The following ADGRV1 variants were observed in gnomAD, a reference collection of about 807,000 sequenced individuals.
The protein encoded by ADGRV1 is adhesion G protein-coupled receptor V1.
A neutral mutation model predicts 596.2 loss-of-function variants in ADGRV1; 359 were observed. The observed-to-expected ratio is 0.60, with a 90% CI of 0.55 to 0.66. The LOEUF is 0.66. ADGRV1 is among the 30% of genes least tolerant of loss of function. ADGRV1 has a pLI of 0.00. For missense variants in ADGRV1, 7,274 were observed against 7,575.6 expected, an observed-to-expected ratio of 0.96 and a Z score of 1.48; for synonymous variants, 2,681 against 2,679.2, an observed-to-expected ratio of 1.00 and a Z score of -0.02.
In ADGRV1 at chr5:90,627,244, CT is replaced by C; in HGVS notation, c.707del (p.Leu236ArgfsTer4). 1.9e-6 allele frequency: 3 copies of C among 1,557,204 alleles called. No homozygotes were observed. Among genetic ancestry groups the C allele is most frequent in the Non-Finnish European group, 2.6e-6 (3 of 1,152,950 alleles). On this transcript the variant is annotated frameshift_variant, in exon 7 of 90. Coordinates refer to ENST00000405460, the MANE Select transcript of ADGRV1 (RefSeq NM_032119.4). LOFTEE classifies it high-confidence loss of function. ...PENDEIFLIQ[L>X]KSVEGGAEIN... is the part of the protein sequence containing the mutation. ...AAATGATGAAATATTTTTAATTCAA[CT>C]GAAAAGTGTAGAAGGAGGAGCTGAG... is the stretch of plus-strand genomic sequence containing the variant.
At chr5:91,001,018 C>G (rs1781814404) in intron 85 of ADGRV1, among the ~76,000 whole-genome samples, 1 of 152,130 alleles carries the variant, frequency 6.6e-6, no homozygotes, top group East Asian at 1.9e-4. Context: ...ACCATTCTTA[C>G]AAAAAACACC....
intron 86 of ADGRV1, among the ~76,000 whole-genome samples, chr5:91,079,571 T>C (rs1789159133): frequency 6.6e-6 from 1 of 152,276 alleles, no homozygotes; most frequent in Non-Finnish European, 1.5e-5. Context: ...GCTTTGCACA[T>C]CATCATGAAA....
chr5:90,686,470 T>C (rs1173522750), intron 29 of ADGRV1, among the ~76,000 whole-genome samples: 2 of 152,010 alleles, frequency 1.3e-5, no homozygotes, highest in Admixed American at 1.3e-4. Context: ...CAGTGTTTGG[T>C]TTTTTGTTCT....
chr5:90,929,555 C>T (rs141612288), intron 83 of ADGRV1: 32 of 154,282 alleles, frequency 2.1e-4, no homozygotes, highest in Admixed American at 3.3e-4. Context: ...GAGATGAACC[C>T]GGTACCTCAG....
At chr5:90,623,672 C>G (rs1285353287) in intron 5 of ADGRV1, among the ~76,000 whole-genome samples, 1 of 152,272 alleles carries the variant, frequency 6.6e-6, no homozygotes, top group African/African-American at 2.4e-5. Context: ...TTCAGCCTCC[C>G]AAAGAGCTGG....
intron 9 of ADGRV1, among the ~76,000 whole-genome samples, chr5:90,633,119 G>A (rs1765709303): frequency 6.6e-6 from 1 of 152,146 alleles, no homozygotes; most frequent in Non-Finnish European, 1.5e-5. Flanking sequence ...TGCTGTCCCA[G>A]TGGCAAACTA....
intron 75 of ADGRV1, among the ~76,000 whole-genome samples, chr5:90,818,361 C>A (rs1257195077): frequency 1.3e-5 from 2 of 150,524 alleles, no homozygotes; most frequent in Non-Finnish European, 3.0e-5. Flanking sequence ...CATCTGCAAA[C>A]AGGGACAATT....
rs1758488956 is a variant in ADGRV1 at position 90,778,451 on chromosome 5, G to GA, written c.12697dup (p.Ser4233LysfsTer4). 5 of 1,612,700 alleles carry GA rather than the reference G, an allele frequency of 3.1e-6. No homozygotes were observed. The highest frequency in any genetic ancestry group is 1.7e-6 in the Non-Finnish European group (2 of 1,179,370). ...GGCTTTGAACGATGACATTCCCGAG[G>GA]AAAAAAGCTTCTATGAGTTTCAGCT... On this transcript the variant is annotated frameshift_variant, in exon 63 of 90. Coordinates refer to ENST00000405460, the MANE Select transcript of ADGRV1 (RefSeq NM_032119.4). LOFTEE classifies it high-confidence loss of function.
chr5:90,928,365 A>G (rs1331479850), intron 83 of ADGRV1, among the ~76,000 whole-genome samples: 15 of 149,594 alleles, frequency 1.0e-4, no homozygotes, highest in South Asian at 2.1e-4. Context: ...TTTCCTTCTC[A>G]CTTCATTTCA....
intron 70 of ADGRV1, among the ~76,000 whole-genome samples, chr5:90,795,265 C>A (rs1316400505): frequency 1.3e-5 from 2 of 152,084 alleles, no homozygotes; most frequent in African/African-American, 4.8e-5. Flanking sequence ...ATTCTCGCTG[C>A]CAGCACAGCA....
chr5:90,649,421 C>T (rs552973884), intron 17 of ADGRV1, among the ~76,000 whole-genome samples: 133 of 152,218 alleles, frequency 8.7e-4, no homozygotes, highest in Non-Finnish European at 1.3e-3. Context: ...AGGAAAAAAA[C>T]GCCAATATGG....
At chr5:90,884,341 T>C (rs1000410018) in intron 83 of ADGRV1, among the ~76,000 whole-genome samples, 1 of 152,118 alleles carries the variant, frequency 6.6e-6, no homozygotes, top group African/African-American at 2.4e-5. Context: ...AAACAACCAA[T>C]CTATTCTTTT....
At chr5:90,636,130 C>G (rs1361699882) in intron 10 of ADGRV1, among the ~76,000 whole-genome samples, 2 of 152,004 alleles carry the variant, frequency 1.3e-5, no homozygotes, top group Admixed American at 1.3e-4. Flanking sequence ...ACAAAACGTT[C>G]ACATGCACAG....
At position 90,627,917 on chromosome 5, in the gene ADGRV1, G is replaced by GACAC. The variant is rs3041948; in HGVS notation, c.1238+183_1238+186dup. 0.11 allele frequency: 24,557 copies of GACAC among 228,738 alleles called. 1,337 individuals are homozygous for GACAC. Among genetic ancestry groups the GACAC allele is most frequent in the African/African-American group, 0.17 (6,095 of 36,624 alleles). 14.2% of individuals were successfully genotyped at this position (228,738 alleles called of 1,614,324 possible). On this transcript the variant is annotated intron_variant, in intron 7 of 89. Coordinates refer to ENST00000405460, the MANE Select transcript of ADGRV1 (RefSeq NM_032119.4). ...AAAGTTTCATGACAAACTCAGAAAAGACACACACACACACACACACACACA... is the reference window on the plus strand; with the variant it reads ...AAAGTTTCATGACAAACTCAGAAAAGACACACACACACACACACACACACACACA...
At chr5:90,576,966 T>C (rs1191587713) in intron 1 of ADGRV1, among the ~76,000 whole-genome samples, 1 of 152,230 alleles carries the variant, frequency 6.6e-6, no homozygotes, top group Non-Finnish European at 1.5e-5. Context: ...TGGGGTTGTT[T>C]GTTTTTTTTC....
intron 83 of ADGRV1, among the ~76,000 whole-genome samples, chr5:90,923,928 A>G (rs1201955580): frequency 2.0e-5 from 3 of 151,770 alleles, no homozygotes; most frequent in South Asian, 2.1e-4. Flanking sequence ...ATGATTTCCA[A>G]TTTCATCCAT....
intron 83 of ADGRV1, among the ~76,000 whole-genome samples, chr5:90,885,782 C>G (rs1285111926): frequency 6.6e-6 from 1 of 152,066 alleles, no homozygotes; most frequent in African/African-American, 2.4e-5. Context: ...CATAATTTGT[C>G]TGGCCCTTTT....
At position 91,153,395 on chromosome 5, in the gene ADGRV1, A is replaced by T. The variant is rs953649582; in HGVS notation, c.18799A>T (p.Thr6267Ser). 2 of 1,598,836 alleles carry T rather than the reference A, an allele frequency of 1.3e-6. No homozygotes were observed. The highest frequency in any genetic ancestry group is 2.2e-5 in the East Asian group (1 of 44,716). Reference sequence around the variant, plus strand: ...TGATGATTTAATATTTGCATTAAAAACTGGTATGTATGAACCCATGAACGA... The same window carrying T: ...TGATGATTTAATATTTGCATTAAAATCTGGTATGTATGAACCCATGAACGA... ...EFDDLIFALK[T>S]GAGLSVSDNE... The change falls in exon 89 of 90, where the codon ACT (threonine) becomes TCT (serine). Residue 6267 changes from threonine (T) to serine (S), a missense_variant. Thr to Ser is a moderately conservative substitution (Grantham distance 58, BLOSUM62 1). Around this residue, in one of 5 missense-constraint regions of ADGRV1, gnomAD observed 1,874 missense variants for 1,970.2 expected, o/e 0.95. Transcript: ENST00000405460.
At chr5:90,617,014 T>G (rs1763451393) in intron 2 of ADGRV1, among the ~76,000 whole-genome samples, 1 of 152,192 alleles carries the variant, frequency 6.6e-6, no homozygotes, top group African/African-American at 2.4e-5. Context: ...AGCACCTGGC[T>G]TATTTCACTT....
Sources: allele counts gnomAD v4.1 joint callset (sites outside exome capture counted in the v4.1 genomes callset), GRCh38; gene constraint gnomAD v4.1.1; regional missense constraint gnomAD v4.1.1; transcripts MANE v1.5; gene names NCBI Gene and HGNC (gene_info 2026-07-23, HGNC 2026-07-21).